PLA2G4E: variants seen among roughly 807,000 people sequenced by gnomAD.
The protein encoded by PLA2G4E is cytosolic phospholipase A2 epsilon.
In PLA2G4E, 84 loss-of-function variants were observed where a neutral mutation model predicts 109.1. The ratio of observed to expected loss-of-function variants is 0.77; its 90% CI spans 0.65 to 0.92. PLA2G4E has a LOEUF of 0.92. Among genes scored for constraint, PLA2G4E ranks in the 40% least tolerant of loss-of-function variants. The pLI is 0.00. For synonymous variants in PLA2G4E, 469 were observed against 436.1 expected (o/e 1.08, Z -0.94); for missense variants, 1,057 against 1,076.6 (o/e 0.98, Z 0.25).
At position 41,984,425 on chromosome 15, in the gene PLA2G4E, A is replaced by G. The variant is rs761884285; in HGVS notation, c.2386+11T>C. Reference sequence around the variant, plus strand: ...AGCAGGTGCTGGGAACTGAGCACAGAGGCAGCTCACCTGGTGCCTTGTATT... The same window carrying G: ...AGCAGGTGCTGGGAACTGAGCACAGGGGCAGCTCACCTGGTGCCTTGTATT... On this transcript the variant is annotated intron_variant, in intron 19 of 19. Transcript: ENST00000399518. The G allele has an allele frequency of 6.2e-7, 1 of 1,606,646 alleles. No individual in the cohort carries two copies. The highest frequency in any genetic ancestry group is 8.5e-7 in the Non-Finnish European group (1 of 1,175,296).
chr15:42,000,768 C>T (rs887103752), intron 7 of PLA2G4E, among the ~76,000 whole-genome samples: 8 of 152,108 alleles, frequency 5.3e-5, no homozygotes, highest in African/African-American at 1.9e-4. Flanking sequence ...GTGCTAGGAC[C>T]CTCTGTGAGC....
intron 2 of PLA2G4E, among the ~76,000 whole-genome samples, chr15:42,012,686 G>A (rs2068548911): frequency 6.6e-6 from 1 of 152,210 alleles, no homozygotes; most frequent in Non-Finnish European, 1.5e-5. Flanking sequence ...TAAACTCCCT[G>A]GTGACAAGAT....
intron 1 of PLA2G4E, among the ~76,000 whole-genome samples, chr15:42,050,111 A>T (rs777029296): frequency 6.6e-6 from 1 of 152,212 alleles, no homozygotes; most frequent in Non-Finnish European, 1.5e-5. Flanking sequence ...GCACTCTGCC[A>T]GGGGCTTCAC....
intron 5 of PLA2G4E, among the ~76,000 whole-genome samples, chr15:42,003,904 T>C (rs1295421710): frequency 1.3e-5 from 2 of 151,340 alleles, no homozygotes; most frequent in Non-Finnish European, 3.0e-5. Flanking sequence ...TTCCTTGCTT[T>C]CCTTCCTTCC....
At chr15:42,001,214 G>T (rs2068416009) in exon 7 of PLA2G4E, 1 of 1,613,246 alleles carries the variant, frequency 6.2e-7, no homozygotes, top group Non-Finnish European at 8.5e-7. Context: ...CAGGAGACTT[G>T]TCGAGACTGT....
intron 1 of PLA2G4E, among the ~76,000 whole-genome samples, chr15:42,044,646 AG>A (rs1566853161): frequency 4.7e-5 from 2 of 42,692 alleles, no homozygotes; most frequent in African/African-American, 9.5e-5. Flanking sequence ...GGATGGGGGG[AG>A]GGGGGAGGGA....
intron 1 of PLA2G4E, among the ~76,000 whole-genome samples, chr15:42,033,873 A>C (rs547876609): frequency 1.3e-5 from 2 of 152,034 alleles, no homozygotes; most frequent in East Asian, 3.9e-4. Context: ...CATGGCAGAG[A>C]CCCCTTGCCA....
rs2068111923 is a variant in PLA2G4E at position 41,984,626 on chromosome 15, C to G, written c.2203-7G>C. The G allele has an allele frequency of 1.3e-6, 2 of 1,593,810 alleles. No individual in the cohort carries two copies. The highest frequency in any genetic ancestry group is 1.7e-5 in the Admixed American group (1 of 59,374). ...CACAGGTTTGTTTCAGGGGCTGGAA[C>G]AGCACAGAGGGCGTGTTTGAGCATT... is the stretch of plus-strand genomic sequence containing the variant. On this transcript the variant is annotated splice_polypyrimidine_tract_variant and splice_region_variant and intron_variant, in intron 18 of 19. Coordinates refer to ENST00000399518, the Ensembl canonical transcript of PLA2G4E.
intron 4 of PLA2G4E, among the ~76,000 whole-genome samples, chr15:42,005,502 T>G (rs2068466175): frequency 6.7e-6 from 1 of 148,938 alleles, no homozygotes. Flanking sequence ...TGCCGGCCCC[T>G]CACAGGCACT....
At chr15:42,005,022 C>T (rs368458560) in intron 4 of PLA2G4E, 44 bp from the exon 5 acceptor site, 5 of 1,605,348 alleles carry the variant, frequency 3.1e-6, no homozygotes, top group African/African-American at 1.3e-5. Flanking sequence ...GGCGTCTGCA[C>T]ATCTCTGCTG....
At chr15:42,027,066 G>A (rs1402337695) in intron 1 of PLA2G4E, among the ~76,000 whole-genome samples, 1 of 152,104 alleles carries the variant, frequency 6.6e-6, no homozygotes, top group African/African-American at 2.4e-5. Flanking sequence ...CCATGTGAGA[G>A]CATGGCTGGA....
intron 2 of PLA2G4E, chr15:42,009,926 C>T (rs1566843254): frequency 5.2e-6 from 1 of 192,494 alleles, no homozygotes; most frequent in East Asian, 1.7e-4. Flanking sequence ...CTCTGTTCCT[C>T]TCCTGGGGAG....
intron 1 of PLA2G4E, among the ~76,000 whole-genome samples, chr15:42,023,603 C>T (rs142069976): frequency 2.6e-5 from 4 of 152,122 alleles, no homozygotes; most frequent in African/African-American, 9.6e-5. Context: ...GTTTCTGTGG[C>T]AACTCAACCC....
At chr15:42,014,559 G>T (rs964617223) in intron 1 of PLA2G4E, among the ~76,000 whole-genome samples, 1 of 152,152 alleles carries the variant, frequency 6.6e-6, no homozygotes, top group Non-Finnish European at 1.5e-5. Flanking sequence ...CGGGAAGGGG[G>T]GTGACAGACA....
intron 8 of PLA2G4E, 51 bp downstream of exon 8, chr15:42,000,053 C>T (rs1343789685): frequency 2.5e-6 from 4 of 1,573,322 alleles, no homozygotes; most frequent in Non-Finnish European, 3.4e-6. Context: ...CTCTGGCACC[C>T]CCCACCTGTC....
intron 18 of PLA2G4E, among the ~76,000 whole-genome samples, 193 bp from the exon 19 acceptor site, chr15:41,984,812 C>T (rs545131374): frequency 6.6e-6 from 1 of 152,320 alleles, no homozygotes; most frequent in East Asian, 1.9e-4. Context: ...GGATGCACCT[C>T]CAGTTGCAAG....
chr15:42,016,233 T>A (rs2068593178), intron 1 of PLA2G4E, among the ~76,000 whole-genome samples: 1 of 151,052 alleles, frequency 6.6e-6, no homozygotes, highest in Non-Finnish European at 1.5e-5. Flanking sequence ...ACCATCTTTT[T>A]ATCTTTACTT....
chr15:42,040,087 A>T (rs1739326968), intron 1 of PLA2G4E, among the ~76,000 whole-genome samples: 1 of 152,288 alleles, frequency 6.6e-6, no homozygotes, highest in African/African-American at 2.4e-5. Context: ...CTGTAATCCC[A>T]GCACTTTGGG....
chr15:42,017,512 G>C (rs528316146), intron 1 of PLA2G4E, among the ~76,000 whole-genome samples: 14 of 152,128 alleles, frequency 9.2e-5, no homozygotes, highest in Non-Finnish European at 1.9e-4. Flanking sequence ...TATTAGCTTC[G>C]TCTTTATAGA....
Sources: gnomAD v4.1 joint callset for allele counts (sites outside exome capture counted in the v4.1 genomes callset) on GRCh38, gnomAD v4.1.1 for gene constraint, MANE v1.5 for transcripts, NCBI Gene and HGNC (gene_info 2026-07-23, HGNC 2026-07-21) for gene names.